C12orf50: variants seen among roughly 807,000 people sequenced by gnomAD.
C12orf50 encodes uncharacterized protein C12orf50.
C12orf50 carries 35 observed loss-of-function variants against 61.6 expected under a neutral mutation model. That is an observed-to-expected ratio of 0.57 (90% CI 0.43 to 0.75). The LOEUF (loss-of-function observed/expected upper bound fraction) is 0.75. Among genes scored for constraint, C12orf50 ranks in the 30% least tolerant of loss-of-function variants. C12orf50 has a pLI of 0.00. For synonymous variants in C12orf50, 178 were observed against 161.5 expected, an observed-to-expected ratio of 1.10 and a Z score of -0.77; for missense variants, 475 against 488.5, an observed-to-expected ratio of 0.97 and a Z score of 0.26.
chr12:87,984,653 CA>C (rs1466083675), intron 11 of C12orf50: 1 of 152,156 alleles, frequency 6.6e-6, no homozygotes, highest in Non-Finnish European at 1.5e-5. Context: ...TACTGTCTAA[CA>C]ATGTTATATT....
chr12:87,981,774 C>A (rs972644601), intron 12 of C12orf50, among the ~76,000 whole-genome samples: 2 of 152,054 alleles, frequency 1.3e-5, no homozygotes, highest in African/African-American at 2.4e-5. Flanking sequence ...CCCTCCCACG[C>A]AACCTTAGCA....
At chr12:88,010,303 G>A (rs1175273203) in intron 3 of C12orf50, among the ~76,000 whole-genome samples, 3 of 151,546 alleles carry the variant, frequency 2.0e-5, no homozygotes, top group Non-Finnish European at 2.9e-5. Flanking sequence ...CTGGCTCTTT[G>A]CACTTCCATG....
intron 11 of C12orf50, chr12:87,984,883 A>G (rs1172086536): frequency 1.3e-5 from 2 of 152,170 alleles, no homozygotes; most frequent in Non-Finnish European, 2.9e-5. Flanking sequence ...AATAACAATA[A>G]CAATATCAGT....
intron 3 of C12orf50, among the ~76,000 whole-genome samples, chr12:88,023,945 T>C (rs1388666173): frequency 6.6e-6 from 1 of 151,930 alleles, no homozygotes; most frequent in African/African-American, 2.4e-5. Flanking sequence ...AAGCAAAAAC[T>C]AACAACTTCA....
At chr12:88,003,666 TAGC>T (rs558276816) in intron 3 of C12orf50, among the ~76,000 whole-genome samples, 36 of 152,226 alleles carry the variant, frequency 2.4e-4, no homozygotes, top group African/African-American at 8.4e-4. Context: ...GACGGGAAGG[TAGC>T]TGTTAATCAT....
chr12:87,989,779 T>C (rs2031031839), intron 7 of C12orf50, among the ~76,000 whole-genome samples: 1 of 152,160 alleles, frequency 6.6e-6, no homozygotes, highest in Non-Finnish European at 1.5e-5. Flanking sequence ...TTGCTTTAAA[T>C]GTTACATACA....
intron 10 of C12orf50, 70 bp from the exon 11 acceptor site, chr12:87,986,123 A>G: frequency 1.3e-6 from 2 of 1,490,260 alleles, no homozygotes; most frequent in East Asian, 2.3e-5. Context: ...AACATATTGC[A>G]CTGCAAATAC....
chr12:88,012,718 C>A (rs751955068), intron 3 of C12orf50, among the ~76,000 whole-genome samples: 12 of 152,112 alleles, frequency 7.9e-5, no homozygotes, highest in Non-Finnish European at 1.5e-4. Flanking sequence ...ATGAACAAAT[C>A]CCCAATTTAA....
At chr12:88,020,996 CA>C (rs765922760) in intron 3 of C12orf50, among the ~76,000 whole-genome samples, 8 of 151,996 alleles carry the variant, frequency 5.3e-5, no homozygotes, top group Non-Finnish European at 1.0e-4. Flanking sequence ...CTTTTGAGAA[CA>C]GATACAACAT....
chr12:87,993,871 A>G (rs2031249850), intron 7 of C12orf50, among the ~76,000 whole-genome samples: 1 of 152,202 alleles, frequency 6.6e-6, no homozygotes, highest in South Asian at 2.1e-4. Context: ...ATGTGATGAC[A>G]AATGATATAT....
chr12:88,019,908 T>A (rs1456696073), intron 3 of C12orf50, among the ~76,000 whole-genome samples: 1 of 151,728 alleles, frequency 6.6e-6, no homozygotes, highest in Non-Finnish European at 1.5e-5. Context: ...GAAAAAAAAA[T>A]TCCAACCAAG....
rs775645488 is a variant in C12orf50, at chr12:87,996,416, G to C, written c.439C>G (p.Gln147Glu). The C allele has an allele frequency of 1.2e-6, 2 of 1,613,268 alleles. No homozygotes were observed. The highest frequency in any genetic ancestry group is 1.7e-4 in the Middle Eastern group (1 of 6,048). ...SKSMTPTAEKQLEKPLENGSE... is the reference protein window; with the variant it reads ...SKSMTPTAEKELEKPLENGSE... Reference sequence around the variant, plus strand: ...CCATTTTCCAAAGGCTTTTCTAACTGTTTTTCTGCTGTAGGTGTCATGCTT... The same window carrying C: ...CCATTTTCCAAAGGCTTTTCTAACTCTTTTTCTGCTGTAGGTGTCATGCTT... Residue 147 changes from glutamine to glutamate, a missense_variant, in exon 6 of 13, where the codon CAG (glutamine) becomes GAG (glutamate). Physicochemically the swap from Gln to Glu is conservative, Grantham distance 29 (BLOSUM62 2). Coordinates refer to ENST00000298699, the MANE Select transcript of C12orf50 (RefSeq NM_152589.3).
In C12orf50 at chr12:87,980,187, G is replaced by T. The variant is rs2030385938; in HGVS notation, c.*144C>A. On this transcript the variant is annotated 3_prime_UTR_variant, in exon 13 of 13. Transcript: ENST00000298699. ...ATGTACTTCCTGCATCTTATTTTCA[G>T]AATTTGCATTTTTATCATCTTTGGC... 2.6e-6 allele frequency: 2 copies of T among 783,280 alleles called. No individual in the cohort carries two copies. The highest frequency in any genetic ancestry group is 4.2e-6 in the Non-Finnish European group (2 of 478,134). 48.5% of individuals were successfully genotyped at this position (783,280 alleles called of 1,614,324 possible).
At chr12:87,989,099 A>T (rs1249182850) in intron 8 of C12orf50, among the ~76,000 whole-genome samples, 165 bp downstream of exon 8, 1 of 152,102 alleles carries the variant, frequency 6.6e-6, no homozygotes, top group Non-Finnish European at 1.5e-5. Context: ...AAATGGTCAT[A>T]CAGTTAGGGG....
chr12:87,981,488 A>G (rs2030467027), intron 12 of C12orf50, among the ~76,000 whole-genome samples: 1 of 152,182 alleles, frequency 6.6e-6, no homozygotes, highest in Non-Finnish European at 1.5e-5. Flanking sequence ...TACATTTTAA[A>G]AAAGCTCCCA....
At chr12:88,029,028 A>T in intron 1 of C12orf50, 2 of 1,139,864 alleles carry the variant, frequency 1.8e-6, no homozygotes, top group Non-Finnish European at 2.3e-6. Flanking sequence ...TACTAAAAAG[A>T]TTAAGCATGT....
Position 88,026,597 on chromosome 12 carries a change from G to A in C12orf50, c.24C>T (p.Ser8=). The A allele has an allele frequency of 1.2e-6, 2 of 1,613,180 alleles. No homozygotes were observed. Among genetic ancestry groups the A allele is most frequent in the Non-Finnish European group, 1.7e-6 (2 of 1,179,932 alleles). Residue 8 remains serine, a synonymous_variant, in exon 3 of 13, where the codon AGC becomes AGT. Transcript: ENST00000298699. MEMQQNC[S]ISCFWETQPL... ...GCTGAGTTTCCCAGAAGCATGAAATGCTGCAGTTTTGCTAGATAAAAGGAG... is the reference window on the plus strand; with the variant it reads ...GCTGAGTTTCCCAGAAGCATGAAATACTGCAGTTTTGCTAGATAAAAGGAG...
chr12:88,029,903 C>A (rs1178955611), upstream of C12orf50, among the ~76,000 whole-genome samples: 2 of 152,118 alleles, frequency 1.3e-5, no homozygotes, highest in Non-Finnish European at 2.9e-5. Flanking sequence ...TTTCATCCAT[C>A]ATAAAAAGAG....
At position 87,999,131 on chromosome 12, in the gene C12orf50, C is replaced by T. The variant is rs1319803653; in HGVS notation, c.134-941G>A. Among the ~76,000 whole-genome samples the T allele has an allele frequency of 7.2e-5, 11 of 152,290 alleles. 1 individual carries two copies. The highest frequency in any genetic ancestry group is 2.6e-4 in the African/African-American group (11 of 41,562). On this transcript the variant is annotated intron_variant, in intron 3 of 12. Coordinates refer to ENST00000298699, the MANE Select transcript of C12orf50 (RefSeq NM_152589.3). ...GCCATGATAACACCTGCCAACAAGT[C>T]CCAGATTTTGCTGGAAAGCAGTTCC... is the stretch of plus-strand genomic sequence containing the variant.
Sources: allele counts gnomAD v4.1 joint callset (sites outside exome capture counted in the v4.1 genomes callset), GRCh38; gene constraint gnomAD v4.1.1; transcripts MANE v1.5; gene names NCBI Gene and HGNC (gene_info 2026-07-23, HGNC 2026-07-21).